The following NPHP4 variants were observed in gnomAD, a reference collection of about 807,000 sequenced individuals.
NPHP4 encodes the protein nephrocystin-4.
NPHP4 carries 151 observed loss-of-function variants against 155.8 expected under a neutral mutation model. The ratio of observed to expected loss-of-function variants is 0.97; its 90% CI spans 0.85 to 1.11. NPHP4 has a LOEUF of 1.11. Ranked by LOEUF, NPHP4 falls within the 50% of genes least tolerant of loss-of-function variation. The pLI is 0.00. For synonymous variants in NPHP4, 845 were observed against 816.8 expected, an observed-to-expected ratio of 1.03 and a Z score of -0.59; for missense variants, 1,956 against 1,925.7, an observed-to-expected ratio of 1.02 and a Z score of -0.29.
At chr1:5,913,747 G>A (rs1294269203) in intron 11 of NPHP4, among the ~76,000 whole-genome samples, 1 of 152,240 alleles carries the variant, frequency 6.6e-6, no homozygotes, top group African/African-American at 2.4e-5. Context: ...TCTCAGCACT[G>A]TGGGTGAGTT....
intron 10 of NPHP4, among the ~76,000 whole-genome samples, chr1:5,928,149 G>A (rs951078323): frequency 1.3e-5 from 2 of 152,128 alleles, no homozygotes; most frequent in East Asian, 1.9e-4. Context: ...CACCCAGGGT[G>A]CAGGCCAGCC....
chr1:5,880,102 G>C lies in NPHP4; in HGVS notation c.2611+12C>G, dbSNP rs772779774. 1.9e-6 allele frequency: 3 copies of C among 1,613,642 alleles called. No homozygotes were observed. Among genetic ancestry groups the C allele is most frequent in the East Asian group, 4.5e-5 (2 of 44,864 alleles). ...GACCCACCCACACATGGGCCCAACA[G>C]TGTAAACTCACGCCTTGAGCTTCCA... On this transcript the variant is annotated intron_variant, in intron 19 of 29. Coordinates refer to ENST00000378156, the MANE Select transcript of NPHP4 (RefSeq NM_015102.5).
intron 12 of NPHP4, among the ~76,000 whole-genome samples, chr1:5,908,539 G>A (rs902859439): frequency 9.2e-5 from 14 of 152,314 alleles, no homozygotes; most frequent in Admixed American, 2.0e-4. Flanking sequence ...TGAGCGCCAC[G>A]GGTGTCTCGG....
Position 5,948,062 on chromosome 1 carries a change from GAC to G in NPHP4, c.992+6_992+7del, listed in dbSNP as rs1557807201. 1 of 1,609,604 alleles carries G rather than the reference GAC, an allele frequency of 6.2e-7. No individual in the cohort carries two copies. Among genetic ancestry groups the G allele is most frequent in the Admixed American group, 1.7e-5 (1 of 60,032 alleles). Reference sequence around the variant, plus strand: ...CCCACCCATCCCTGGGGACCCAAGAGACAATACCTGGTCTTGGAAGAGGAGAC... The same window carrying G: ...CCCACCCATCCCTGGGGACCCAAGAGAATACCTGGTCTTGGAAGAGGAGAC... On this transcript the variant is annotated splice_donor_region_variant and intron_variant, in intron 8 of 29. Coordinates refer to ENST00000378156, the MANE Select transcript of NPHP4 (RefSeq NM_015102.5).
chr1:5,863,111 G>A lies in NPHP4; in HGVS notation c.*154C>T, dbSNP rs1640808353. ...ATGCAGGTACTACAAAATGACCAGC[G>A]CTCGGTCTCTGCTTCCTCAGCCAAG... On this transcript the variant is annotated 3_prime_UTR_variant, in exon 30 of 30. Transcript: ENST00000378156. The A allele has an allele frequency of 9.3e-6, 7 of 751,282 alleles. No homozygotes were observed. Among genetic ancestry groups the A allele is most frequent in the East Asian group, 5.2e-5 (2 of 38,214 alleles). 46.5% of individuals were successfully genotyped at this position (751,282 alleles called of 1,614,324 possible). A position where few individuals can be genotyped will look rare whatever the true frequency, so the allele number is the denominator to read the frequency against.
rs540378254 is a variant in NPHP4 at position 5,889,945 on chromosome 1, C to T, written c.2304+923G>A. Among the ~76,000 whole-genome samples the T allele has an allele frequency of 5.8e-4, 88 of 152,320 alleles. No individual in the cohort carries two copies. Among genetic ancestry groups the T allele is most frequent in the African/African-American group, 2.1e-3 (87 of 41,572 alleles). ...GAGCAGGGATGGAGCCTGGATCAGT[C>T]GGTCACACGGGGAGCCAAGAGCAGA... On this transcript the variant is annotated intron_variant, in intron 17 of 29. Transcript: ENST00000378156. The surrounding 1 kb of genome is among the most constrained non-coding windows in gnomAD (Gnocchi z 4.2).
In NPHP4 at chr1:5,875,109, A is replaced by G; in HGVS notation, c.2818-9T>C. ...CGGACGCTCTGCTGCGCCTGCAGAC[A>G]AGAGGACATGGGTGGACAGGGTCCC... On this transcript the variant is annotated splice_polypyrimidine_tract_variant and intron_variant, in intron 20 of 29. Coordinates refer to ENST00000378156, the MANE Select transcript of NPHP4 (RefSeq NM_015102.5). 1 of 1,587,910 alleles carries G rather than the reference A, an allele frequency of 6.3e-7. No individual in the cohort carries two copies. The highest frequency in any genetic ancestry group is 1.7e-5 in the Admixed American group (1 of 57,966).
rs1279264771 is a variant in NPHP4 at position 5,879,833 on chromosome 1, AAACACACACAGACACG to A, written c.2611+265_2611+280del. Among the ~76,000 whole-genome samples the A allele has an allele frequency of 2.1e-3, 223 of 104,314 alleles. 1 individual carries two copies. The highest frequency in any genetic ancestry group is 7.7e-3 in the African/African-American group (210 of 27,230). The allele number at this position is 104,314 out of a possible 152,430, so 68.4% of individuals were successfully genotyped here. The stretch of plus-strand genomic sequence containing the variant: ...CACACGCAAACACACACACACACGC[AAACACACACAGACACG>A]CACACAGACACGCACACACACATGC... On this transcript the variant is annotated intron_variant, in intron 19 of 29. Coordinates refer to ENST00000378156, the MANE Select transcript of NPHP4 (RefSeq NM_015102.5).
Position 5,890,732 on chromosome 1 carries a change from C to T in NPHP4, c.2304+136G>A, listed in dbSNP as rs925823914. On this transcript the variant is annotated intron_variant, in intron 17 of 29. Coordinates refer to ENST00000378156, the MANE Select transcript of NPHP4 (RefSeq NM_015102.5). The surrounding 1 kb of genome is among the most constrained non-coding windows in gnomAD (Gnocchi z 4.9). ...ACAGAGAATGCAGCACTATTTTTAA[C>T]GAGTGAACAAAGAAGGTCAAACAAG... The T allele has an allele frequency of 1.4e-5, 9 of 637,440 alleles. No individual in the cohort carries two copies. Among genetic ancestry groups the T allele is most frequent in the Middle Eastern group, 4.5e-4 (1 of 2,218 alleles). 39.5% of individuals were successfully genotyped at this position (637,440 alleles called of 1,614,324 possible). A position where few individuals can be genotyped will look rare whatever the true frequency, so the allele number is the denominator to read the frequency against.
rs1400602210 is a variant in NPHP4, at chr1:5,964,937, A to ATTTTT, written c.517+2361_517+2362insAAAAA. On this transcript the variant is annotated intron_variant, in intron 5 of 29. Coordinates refer to ENST00000378156, the MANE Select transcript of NPHP4 (RefSeq NM_015102.5). Reference sequence around the variant, plus strand: ...ATATATTATATATATATATATATATATATATTTTTTTTTTTTGAGGCAGGG... The same window carrying ATTTTT: ...ATATATTATATATATATATATATATATTTTTTATATTTTTTTTTTTTGAGGCAGGG... 3.1e-3 allele frequency among the ~76,000 whole-genome samples: 169 copies of ATTTTT among 54,896 alleles called. 6 individuals are homozygous for ATTTTT. The highest frequency in any genetic ancestry group is 6.7e-3 in the African/African-American group (72 of 10,772). The allele number at this position is 54,896 out of a possible 152,430, so 36.0% of individuals were successfully genotyped here. A position where few individuals can be genotyped will look rare whatever the true frequency, so the allele number is the denominator to read the frequency against.
intron 3 of NPHP4, among the ~76,000 whole-genome samples, chr1:5,972,920 A>G (rs570745175): frequency 2.6e-5 from 4 of 151,784 alleles, no homozygotes; most frequent in South Asian, 4.2e-4. Flanking sequence ...GTCTTGCTCT[A>G]TCACCCAGGC....
chr1:5,964,205 CG>C (rs892433152), intron 5 of NPHP4, among the ~76,000 whole-genome samples: 34 of 152,298 alleles, frequency 2.2e-4, no homozygotes, highest in African/African-American at 7.9e-4. Flanking sequence ...ACTGGACAAG[CG>C]CATTAGCTTC....
At chr1:5,869,832 T>C (rs112941763) in intron 23 of NPHP4, among the ~76,000 whole-genome samples, 6 of 152,304 alleles carry the variant, frequency 3.9e-5, no homozygotes, top group African/African-American at 1.4e-4. Context: ...AGGTTTCTCA[T>C]GAGCAGAAAT....
At chr1:5,893,213 CGA>C (rs1418818890) in intron 16 of NPHP4, among the ~76,000 whole-genome samples, 2 of 152,122 alleles carry the variant, frequency 1.3e-5, no homozygotes, top group African/African-American at 2.4e-5. Flanking sequence ...TGTGCGGCAA[CGA>C]GAGAGTGTAG....
At chr1:5,976,398 A>G (rs1392431925) in intron 3 of NPHP4, among the ~76,000 whole-genome samples, 2 of 152,274 alleles carry the variant, frequency 1.3e-5, no homozygotes, top group East Asian at 3.9e-4. Flanking sequence ...TGGCTGTCAC[A>G]ACACCAGGTT....
At chr1:5,893,265 C>T (rs1570288821) in intron 16 of NPHP4, among the ~76,000 whole-genome samples, 2 of 152,282 alleles carry the variant, frequency 1.3e-5, no homozygotes, top group South Asian at 2.1e-4. Flanking sequence ...GAAAAGACAG[C>T]TGGGCCCAGG....
chr1:5,863,367 A>T lies in NPHP4; in HGVS notation c.4179T>A (p.Phe1393Leu), dbSNP rs35641267. 2.5e-3 allele frequency: 4,067 copies of T among 1,613,996 alleles called. 9 individuals carry two copies. The highest frequency in any genetic ancestry group is 3.2e-3 in the Non-Finnish European group (3,717 of 1,179,870). Reference protein sequence around the residue: ...GGETYTIGLQFAPSQRVGEEE... With the variant: ...GGETYTIGLQLAPSQRVGEEE... Reference sequence around the variant, plus strand: ...CCTCACCCACTCTCTGACTAGGCGCAAACTGCAAGCCGATGGTGTAGGTCT... The same window carrying T: ...CCTCACCCACTCTCTGACTAGGCGCTAACTGCAAGCCGATGGTGTAGGTCT... The change falls in exon 30 of 30, where the codon TTT (phenylalanine) becomes TTA (leucine). Residue 1393 changes from phenylalanine (F) to leucine (L), a missense_variant. By Grantham distance (22) the Phe-to-Leu change is conservative. Transcript: ENST00000378156.
chr1:5,864,756 A>C, intron 27 of NPHP4: 1 of 542,112 alleles, frequency 1.8e-6, no homozygotes. Context: ...CGCAGACAGA[A>C]CTGAAGCCAT....
intron 9 of NPHP4, among the ~76,000 whole-genome samples, chr1:5,943,140 T>A (rs182347284): frequency 1.3e-5 from 2 of 152,348 alleles, no homozygotes; most frequent in East Asian, 3.9e-4. Context: ...AGGGACTACT[T>A]CTTTGGTAGT....
Sources: gnomAD v4.1 joint callset for allele counts (sites outside exome capture counted in the v4.1 genomes callset) on GRCh38, gnomAD v4.1.1 for gene constraint, Gnocchi (gnomAD v3.1) non-coding constraint, MANE v1.5 for transcripts, NCBI Gene and HGNC (gene_info 2026-07-23, HGNC 2026-07-21) for gene names.